The following CDH18 variants were observed in gnomAD, a reference collection of about 807,000 sequenced individuals.
The protein encoded by CDH18 is cadherin-18.
CDH18 carries 31 observed loss-of-function variants against 67.9 expected under a neutral mutation model. The observed-to-expected ratio is 0.46, with a 90% confidence interval of 0.34 to 0.62. The LOEUF (loss-of-function observed/expected upper bound fraction) is 0.62. Among genes scored for constraint, CDH18 ranks in the 20% least tolerant of loss-of-function variants. CDH18 has a pLI of 0.01. For missense variants in CDH18, 890 were observed against 975.5 expected (o/e 0.91, Z 1.17); for synonymous variants, 362 against 347.2 (o/e 1.04, Z -0.48).
chr5:19,481,484 T>C (rs1739414347), intron 12 of CDH18, among the ~76,000 whole-genome samples: 1 of 152,218 alleles, frequency 6.6e-6, no homozygotes. Flanking sequence ...AGACTTTTCC[T>C]AACTGGTTTC....
At chr5:20,491,295 T>C (rs570930609) in intron 1 of CDH18, among the ~76,000 whole-genome samples, 50 of 152,066 alleles carry the variant, frequency 3.3e-4, no homozygotes, top group Middle Eastern at 6.8e-3. Context: ...TGAGTTAAGC[T>C]ACCAATTGAT....
At chr5:19,911,214 T>C (rs1485365503) in intron 2 of CDH18, among the ~76,000 whole-genome samples, 3 of 152,094 alleles carry the variant, frequency 2.0e-5, no homozygotes, top group Non-Finnish European at 4.4e-5. Context: ...TGAGAAGCCA[T>C]AGAAAGGTAT....
At chr5:20,095,512 TGGAA>T (rs138996095) in intron 2 of CDH18, among the ~76,000 whole-genome samples, 4,632 of 63,514 alleles carry the variant, frequency 0.073, 263 homozygotes, top group African/African-American at 0.22. Flanking sequence ...GGAGGGAGGA[TGGAA>T]GGAAGGAAGG....
intron 3 of CDH18, among the ~76,000 whole-genome samples, chr5:19,793,795 G>A (rs1203273703): frequency 6.6e-6 from 1 of 152,058 alleles, no homozygotes; most frequent in Non-Finnish European, 1.5e-5. Context: ...TATGGAAGGA[G>A]GGTAGATAAC....
intron 2 of CDH18, among the ~76,000 whole-genome samples, chr5:20,208,310 G>A (rs1470059524): frequency 6.6e-6 from 1 of 152,052 alleles, no homozygotes; most frequent in Non-Finnish European, 1.5e-5. Context: ...CAGCATGGGG[G>A]AAACTGCCCC....
At chr5:20,390,794 A>G (rs1394042819) in intron 1 of CDH18, among the ~76,000 whole-genome samples, 3 of 152,234 alleles carry the variant, frequency 2.0e-5, no homozygotes, top group African/African-American at 7.2e-5. Context: ...ACACCGTGGA[A>G]TACCATGCAG....
chr5:20,071,172 G>C (rs969574645), intron 2 of CDH18, among the ~76,000 whole-genome samples: 1 of 151,962 alleles, frequency 6.6e-6, no homozygotes, highest in East Asian at 1.9e-4. Flanking sequence ...AGATACACTG[G>C]CATTTAAGAT....
intron 2 of CDH18, among the ~76,000 whole-genome samples, chr5:20,066,760 A>G (rs556289084): frequency 3.3e-5 from 5 of 152,170 alleles, no homozygotes; most frequent in African/African-American, 1.2e-4. Flanking sequence ...GAAGATCCTC[A>G]GCAAAAGTTT....
chr5:19,838,466 T>C (rs1183539949), intron 3 of CDH18, among the ~76,000 whole-genome samples: 1 of 152,194 alleles, frequency 6.6e-6, no homozygotes, highest in African/African-American at 2.4e-5. Context: ...GTGTGTTCCA[T>C]TAAGTGTTTC....
At chr5:20,169,219 T>C (rs1736514221) in intron 2 of CDH18, among the ~76,000 whole-genome samples, 1 of 152,120 alleles carries the variant, frequency 6.6e-6, no homozygotes, top group Non-Finnish European at 1.5e-5. Context: ...TCATATCTCA[T>C]GCCTGTATCA....
intron 2 of CDH18, among the ~76,000 whole-genome samples, chr5:20,198,420 T>C (rs1739162912): frequency 1.3e-5 from 2 of 152,142 alleles, no homozygotes; most frequent in Non-Finnish European, 2.9e-5. Flanking sequence ...TACTACACTT[T>C]AGCAAAGAGG....
At chr5:19,669,255 A>G (rs1307500943) in intron 5 of CDH18, among the ~76,000 whole-genome samples, 1 of 146,904 alleles carries the variant, frequency 6.8e-6, no homozygotes, top group Non-Finnish European at 1.5e-5. Flanking sequence ...TATTATATAT[A>G]AAATATTATA....
chr5:19,697,983 TTCTC>T (rs1323693463), intron 5 of CDH18, among the ~76,000 whole-genome samples: 2 of 152,194 alleles, frequency 1.3e-5, no homozygotes, highest in East Asian at 3.8e-4. Flanking sequence ...CATGGAATCT[TTCTC>T]TGTCACTGGC....
chr5:20,074,782 G>A (rs1186497142), intron 2 of CDH18, among the ~76,000 whole-genome samples: 5 of 149,820 alleles, frequency 3.3e-5, no homozygotes. Context: ...TAGATTTTAT[G>A]TACAATTTCT....
At chr5:19,979,990 C>T (rs555698821) in intron 2 of CDH18, among the ~76,000 whole-genome samples, 8 of 152,120 alleles carry the variant, frequency 5.3e-5, no homozygotes, top group Non-Finnish European at 7.4e-5. Flanking sequence ...AATAAAGCAT[C>T]GAAATTGGTA....
intron 2 of CDH18, among the ~76,000 whole-genome samples, chr5:20,081,546 C>G (rs1419836023): frequency 6.6e-6 from 1 of 152,172 alleles, no homozygotes; most frequent in Admixed American, 6.5e-5. Context: ...TGGGATCTAC[C>G]TAGGTGTCCC....
chr5:20,401,952 T>G (rs1214131802), intron 1 of CDH18, among the ~76,000 whole-genome samples: 1 of 152,180 alleles, frequency 6.6e-6, no homozygotes, highest in African/African-American at 2.4e-5. Flanking sequence ...CAAAACTTCC[T>G]TTGATCTTCT....
At chr5:19,504,755 G>T (rs1743824275) in intron 10 of CDH18, among the ~76,000 whole-genome samples, 1 of 151,898 alleles carries the variant, frequency 6.6e-6, no homozygotes, top group Non-Finnish European at 1.5e-5. Context: ...GAATTTTAGT[G>T]ATTCTCCAGT....
At chr5:19,516,466 A>G (rs935812002) in intron 10 of CDH18, among the ~76,000 whole-genome samples, 3 of 151,960 alleles carry the variant, frequency 2.0e-5, no homozygotes, top group African/African-American at 7.3e-5. Flanking sequence ...TTGGCTGTGA[A>G]TAAGTCTGGT....
Sources: allele counts gnomAD v4.1 joint callset (sites outside exome capture counted in the v4.1 genomes callset), GRCh38; gene constraint gnomAD v4.1.1; transcripts MANE v1.5; gene names NCBI Gene and HGNC (gene_info 2026-07-23, HGNC 2026-07-21).